SSH1: variants seen among roughly 807,000 people sequenced by gnomAD.
SSH1 encodes protein phosphatase Slingshot homolog 1.
A neutral mutation model predicts 79.7 loss-of-function variants in SSH1; 43 were observed. That is an observed-to-expected ratio of 0.54 (90% confidence interval 0.42 to 0.70). The LOEUF is 0.70. Ranked by LOEUF, SSH1 falls within the 30% of genes least tolerant of loss-of-function variation. SSH1 has a pLI of 0.00. For synonymous variants in SSH1, 599 were observed against 538.3 expected (o/e 1.11, Z -1.56); for missense variants, 1,206 against 1,358.8 (o/e 0.89, Z 1.77).
chr12:108,813,436 G>A (rs1047901801), intron 5 of SSH1, among the ~76,000 whole-genome samples: 44 of 151,924 alleles, frequency 2.9e-4, no homozygotes, highest in Non-Finnish European at 1.3e-4. Context: ...AATCCTGCTC[G>A]GGTGTGGTGG....
intron 2 of SSH1, among the ~76,000 whole-genome samples, chr12:108,833,327 G>A (rs61935482): frequency 1.3e-5 from 2 of 152,138 alleles, no homozygotes; most frequent in Non-Finnish European, 2.9e-5. Context: ...GCCCCTTCAC[G>A]AGGGCAGAAG....
chr12:108,788,445 G>GA lies in SSH1; in HGVS notation c.2692_2693insT (p.Pro898LeufsTer13). On this transcript the variant is annotated frameshift_variant, in exon 15 of 15. Coordinates refer to ENST00000326495, the MANE Select transcript of SSH1 (RefSeq NM_018984.4). LOFTEE classifies it high-confidence loss of function. Reference sequence around the variant, plus strand: ...GTCCAGGCGGTAGAAGAAAGGAGGGGGGCTCTTCAGTGAGCCTCCTTCCAA... The same window carrying GA: ...GTCCAGGCGGTAGAAGAAAGGAGGGGAGGCTCTTCAGTGAGCCTCCTTCCAA... 6.4e-7 allele frequency: 1 copy of GA among 1,572,430 alleles called. No homozygotes were observed. The highest frequency in any genetic ancestry group is 1.2e-5 in the South Asian group (1 of 84,012).
At chr12:108,856,022 C>G (rs2039135857) in intron 1 of SSH1, among the ~76,000 whole-genome samples, 1 of 152,192 alleles carries the variant, frequency 6.6e-6, no homozygotes, top group South Asian at 2.1e-4. Flanking sequence ...CACAAACCTC[C>G]CCCGTGTTAT....
chr12:108,816,432 T>C (rs112623311), intron 5 of SSH1, among the ~76,000 whole-genome samples: 2,101 of 152,372 alleles, frequency 0.014, 23 homozygotes, highest in South Asian at 0.038. Flanking sequence ...GGCATTCATT[T>C]ATCTTGTGAT....
In SSH1 at chr12:108,820,650, G is replaced by T. The variant is rs961992788; in HGVS notation, c.215-2337C>A. ...TCAGAGAATATAAGCCCTAGAAAGG[G>T]TCTCAAATTGACTGGACTGGCTGAA... On this transcript the variant is annotated intron_variant, in intron 3 of 14. Coordinates refer to ENST00000326495, the MANE Select transcript of SSH1 (RefSeq NM_018984.4). Among the ~76,000 whole-genome samples, 9 of 152,292 alleles carry T rather than the reference G, an allele frequency of 5.9e-5. No individual in the cohort carries two copies. In the East Asian group the frequency reaches 1.7e-3, roughly 29 times the overall value.
At position 108,778,449 on chromosome 12, in the gene SSH1, CCTGG is replaced by C. The variant is rs1459833680; in HGVS notation, c.*9535_*9538del. 6.6e-6 allele frequency: 1 copy of C among 152,212 alleles called. No homozygotes were observed. The highest frequency in any genetic ancestry group is 2.4e-5 in the African/African-American group (1 of 41,444). The allele number at this position is 152,212 out of a possible 1,614,324, so 9.4% of individuals were successfully genotyped here. A position where few individuals can be genotyped will look rare whatever the true frequency, so the allele number is the denominator to read the frequency against. On this transcript the variant is annotated 3_prime_UTR_variant, in exon 15 of 15. Coordinates refer to ENST00000326495, the MANE Select transcript of SSH1 (RefSeq NM_018984.4). ...CAGGCACTCCCAGCCTCTGCCCCTTCCTGGCTGTGTGTCCCTGACCCACGTTACC... is the reference window on the plus strand; with the variant it reads ...CAGGCACTCCCAGCCTCTGCCCCTTCCTGTGTGTCCCTGACCCACGTTACC...
intron 2 of SSH1, among the ~76,000 whole-genome samples, chr12:108,844,464 G>A (rs947966443): frequency 6.6e-6 from 1 of 152,126 alleles, no homozygotes. Context: ...CTTCCCATGA[G>A]CACCAGGCAC....
At chr12:108,808,594 G>A (rs1421794847) in intron 7 of SSH1, among the ~76,000 whole-genome samples, 1 of 152,070 alleles carries the variant, frequency 6.6e-6, no homozygotes, top group Non-Finnish European at 1.5e-5. Context: ...CTTAGCAGCT[G>A]GAAGAAAAAG....
In SSH1 at chr12:108,848,441, G is replaced by C. The variant is rs1181727291; in HGVS notation, c.110+4197C>G. Among the ~76,000 whole-genome samples, 6 of 152,284 alleles carry C rather than the reference G, an allele frequency of 3.9e-5. 1 individual carries two copies. The East Asian group carries it at 1.2e-3, about 29-fold the overall frequency. On this transcript the variant is annotated intron_variant, in intron 2 of 14. Coordinates refer to ENST00000326495, the MANE Select transcript of SSH1 (RefSeq NM_018984.4). ...GTTTTTCTCCCTACAGCACCTCCTA[G>C]AGATGAGGTGATGGCAGCTCACCTT...
intron 2 of SSH1, among the ~76,000 whole-genome samples, chr12:108,823,831 C>A (rs984050156): frequency 2.6e-5 from 4 of 152,182 alleles, no homozygotes; most frequent in African/African-American, 4.8e-5. Flanking sequence ...CCATGGCCAG[C>A]TAATTATTGT....
At chr12:108,813,764 G>GAGGGA (rs2037746830) in intron 5 of SSH1, among the ~76,000 whole-genome samples, 1 of 133,200 alleles carries the variant, frequency 7.5e-6, no homozygotes, top group African/African-American at 2.8e-5. Flanking sequence ...GAGGGGAGGG[G>GAGGGA]AGGGGAAGGG....
At chr12:108,810,247 G>T (rs1251415705) in intron 6 of SSH1, among the ~76,000 whole-genome samples, 2 of 151,642 alleles carry the variant, frequency 1.3e-5, no homozygotes, top group African/African-American at 4.8e-5. Context: ...ACAAGCCAGG[G>T]GTGGTGGCTC....
At chr12:108,794,046 A>G (rs2036633360) in intron 13 of SSH1, among the ~76,000 whole-genome samples, 1 of 152,192 alleles carries the variant, frequency 6.6e-6, no homozygotes, top group South Asian at 2.1e-4. Context: ...GGACCTGTCC[A>G]GCCCTTCCGA....
In SSH1 at chr12:108,787,855, G is replaced by GT; in HGVS notation, c.*132dup. On this transcript the variant is annotated 3_prime_UTR_variant, in exon 15 of 15. Coordinates refer to ENST00000326495, the MANE Select transcript of SSH1 (RefSeq NM_018984.4). ...TCTTCTCCTCCTCTCTATGGCAAGA[G>GT]TAGGGGAAAAGTTAGGATGACTTCA... 3 of 1,160,400 alleles carry GT rather than the reference G, an allele frequency of 2.6e-6. No individual in the cohort carries two copies. The highest frequency in any genetic ancestry group is 2.5e-6 in the Non-Finnish European group (2 of 808,054). 71.9% of individuals were successfully genotyped at this position (1,160,400 alleles called of 1,614,324 possible).
At chr12:108,815,467 A>G (rs1258623241) in intron 5 of SSH1, among the ~76,000 whole-genome samples, 1 of 152,248 alleles carries the variant, frequency 6.6e-6, no homozygotes, top group African/African-American at 2.4e-5. Context: ...GGAACAGGCC[A>G]CACTTGCGAG....
chr12:108,790,899 A>G (rs2036473052), intron 14 of SSH1, among the ~76,000 whole-genome samples: 1 of 152,160 alleles, frequency 6.6e-6, no homozygotes, highest in South Asian at 2.1e-4. Context: ...CCACCCTTCC[A>G]CTGAACCAGC....
chr12:108,816,401 A>C (rs2037887550), intron 5 of SSH1, among the ~76,000 whole-genome samples: 1 of 152,258 alleles, frequency 6.6e-6, no homozygotes, highest in Non-Finnish European at 1.5e-5. Flanking sequence ...TAACAAATCC[A>C]GGTTTTGCAA....
In SSH1 at chr12:108,807,743, A is replaced by T; in HGVS notation, c.621T>A (p.Ala207=). 6.2e-7 allele frequency: 1 copy of T among 1,613,306 alleles called. No homozygotes were observed. Among genetic ancestry groups the T allele is most frequent in the East Asian group, 2.2e-5 (1 of 44,818 alleles). Residue 207 remains alanine, a synonymous_variant, in exon 8 of 15, where the codon GCT becomes GCA. Coordinates refer to ENST00000326495, the MANE Select transcript of SSH1 (RefSeq NM_018984.4). The surrounding 1 kb of genome is among the most constrained non-coding windows in gnomAD (Gnocchi z 5.2). ...AGCTGATGCAGCTCTCATAGTAGGT[A>T]GCCCAGATGAGAGCTACACCCCCGG... ...YFPGGVALIW[A]TYYESCISSE...
rs1448958411 is a variant in SSH1, at chr12:108,788,953, C to T, written c.2185G>A (p.Gly729Arg). Residue 729 changes from glycine (G) to arginine (R), a missense_variant, in exon 15 of 15, where the codon GGG (glycine) becomes AGG (arginine). By Grantham distance (125) the Gly-to-Arg change is moderately radical (BLOSUM62 -2). Coordinates refer to ENST00000326495, the MANE Select transcript of SSH1 (RefSeq NM_018984.4). Reference sequence around the variant, plus strand: ...GGTGGCTCTAGGGCAGCTCCAGCCCCAGGGCCACTGGTGTCTGCCCTCCTG... The same window carrying T: ...GGTGGCTCTAGGGCAGCTCCAGCCCTAGGGCCACTGGTGTCTGCCCTCCTG... ...GSRRADTSGP[G>R]AGAALEPPAS... is the part of the protein sequence containing the mutation. The T allele has an allele frequency of 3.7e-6, 6 of 1,613,716 alleles. No individual in the cohort carries two copies. The highest frequency in any genetic ancestry group is 5.1e-6 in the Non-Finnish European group (6 of 1,179,878).
Sources: gnomAD v4.1 joint callset for allele counts (sites outside exome capture counted in the v4.1 genomes callset) on GRCh38, gnomAD v4.1.1 for gene constraint, Gnocchi (gnomAD v3.1) non-coding constraint, MANE v1.5 for transcripts, NCBI Gene and HGNC (gene_info 2026-07-23, HGNC 2026-07-21) for gene names.